The following CFAP47 variants were observed in gnomAD, a reference collection of about 807,000 sequenced individuals.
The protein encoded by CFAP47 is cilia- and flagella-associated protein 47.
In CFAP47, 29 loss-of-function variants were observed where a neutral mutation model predicts 148.1. That is an observed-to-expected ratio of 0.20 (90% CI 0.15 to 0.27). CFAP47 has a LOEUF of 0.27. Ranked by LOEUF, CFAP47 falls within the 10% of genes least tolerant of loss-of-function variation. CFAP47 has a pLI of 1.00. For synonymous variants in CFAP47, 664 were observed against 577.3 expected, an observed-to-expected ratio of 1.15 and a Z score of -2.15; for missense variants, 1,872 against 1,697.5, an observed-to-expected ratio of 1.10 and a Z score of -1.81.
rs951020526 is a variant in CFAP47 at position 36,050,573 on chromosome X, T to A, written c.4217+3510T>A. Reference sequence around the variant, plus strand: ...GATTTAGGGTATCTGGCAGAAGAAATTTCTAAGTGGCAAAGTGTTCAAGAG... The same window carrying A: ...GATTTAGGGTATCTGGCAGAAGAAAATTCTAAGTGGCAAAGTGTTCAAGAG... On this transcript the variant is annotated intron_variant, in intron 26 of 63. Coordinates refer to ENST00000378653, the MANE Select transcript of CFAP47 (RefSeq NM_001304548.2). Among the ~76,000 whole-genome samples the A allele has an allele frequency of 4.5e-5, 5 of 111,528 alleles. No individual in the cohort carries two copies. The Admixed American group carries it at 4.7e-4, about 11-fold the overall frequency.
chrX:36,370,529 G>A (rs782574995), intron 62 of CFAP47, among the ~76,000 whole-genome samples: 54 of 110,099 alleles, frequency 4.9e-4, no homozygotes, highest in African/African-American at 1.7e-3. Context: ...CCAAGTCTTC[G>A]CATGGGTTTA....
intron 30 of CFAP47, among the ~76,000 whole-genome samples, chrX:36,094,769 T>G (rs1414564199): frequency 1.8e-5 from 2 of 111,556 alleles, no homozygotes; most frequent in Admixed American, 9.5e-5. Context: ...TCTAATAGGT[T>G]TTTTTGTGGA....
chrX:36,300,483 G>C (rs1167944993), intron 52 of CFAP47, among the ~76,000 whole-genome samples: 4 of 110,516 alleles, frequency 3.6e-5, no homozygotes, highest in African/African-American at 1.3e-4. Context: ...GGAGACGGGG[G>C]TTCCACCATA....
intron 33 of CFAP47, among the ~76,000 whole-genome samples, chrX:36,136,073 A>G (rs1020816510): frequency 9.0e-6 from 1 of 111,088 alleles, no homozygotes; most frequent in African/African-American, 3.3e-5. Context: ...TAACCAATAC[A>G]TAAAAATATT....
At chrX:35,963,650 A>G (rs1457160842) in intron 8 of CFAP47, among the ~76,000 whole-genome samples, 1 of 110,851 alleles carries the variant, frequency 9.0e-6, no homozygotes, top group African/African-American at 3.3e-5. Flanking sequence ...ATTTTCTATT[A>G]TTTCATTATT....
chrX:36,291,963 C>T lies in CFAP47; in HGVS notation c.7686+6237C>T, dbSNP rs1351000648. On this transcript the variant is annotated intron_variant, in intron 51 of 63. Transcript: ENST00000378653. ...GTTACTTCCTAGGGATCGGTCCTTG[C>T]AATTAGAAATATTTCTATTTTTAAT... is the stretch of plus-strand genomic sequence containing the variant. Among the ~76,000 whole-genome samples, 5 of 111,016 alleles carry T rather than the reference C, an allele frequency of 4.5e-5. 1 individual carries two copies. Among genetic ancestry groups the T allele is most frequent in the Non-Finnish European group, 7.6e-5 (4 of 52,972 alleles).
At chrX:36,149,355 A>G in intron 37 of CFAP47, 132 bp downstream of exon 37, 1 of 264,238 alleles carries the variant, frequency 3.8e-6, no homozygotes, top group Non-Finnish European at 6.7e-6. Flanking sequence ...ACAGTCAGAC[A>G]AATATTCGTA....
intron 22 of CFAP47, among the ~76,000 whole-genome samples, chrX:36,025,826 G>C (rs911495059): frequency 9.0e-6 from 1 of 111,205 alleles, no homozygotes; most frequent in African/African-American, 3.3e-5. Flanking sequence ...TGGTACATTT[G>C]GGTGAGCTGT....
At chrX:36,229,129 T>G (rs1940306577) in intron 46 of CFAP47, among the ~76,000 whole-genome samples, 1 of 111,602 alleles carries the variant, frequency 9.0e-6, no homozygotes, top group Admixed American at 9.6e-5. Flanking sequence ...TACTCTAAAT[T>G]CTGTTGTGAT....
chrX:36,230,352 G>C (rs1164922121), intron 46 of CFAP47, among the ~76,000 whole-genome samples: 1 of 108,480 alleles, frequency 9.2e-6, no homozygotes, highest in Non-Finnish European at 1.9e-5. Flanking sequence ...GCATTTCTCT[G>C]ATGGCCAGTG....
chrX:36,381,046 A>G (rs936990420), intron 63 of CFAP47, among the ~76,000 whole-genome samples: 7 of 112,021 alleles, frequency 6.2e-5, no homozygotes, highest in Non-Finnish European at 9.4e-5. Context: ...CAGTTTATGT[A>G]GGGAAAATTG....
rs143531634 is a variant in CFAP47, at chrX:35,963,571, A to C, written c.1411-2994A>C. On this transcript the variant is annotated intron_variant, in intron 8 of 63. Transcript: ENST00000378653. ...GTGCCAATCCATTTATATGTAATGT[A>C]ACTACTAGTAACATAGGATTTGCAT... Among the ~76,000 whole-genome samples the C allele has an allele frequency of 6.1e-3, 675 of 110,939 alleles. 8 individuals are homozygous for C. The highest frequency in any genetic ancestry group is 0.02 in the African/African-American group (614 of 30,742).
intron 33 of CFAP47, among the ~76,000 whole-genome samples, chrX:36,115,401 G>T (rs1008056735): frequency 8.9e-6 from 1 of 112,001 alleles, no homozygotes; most frequent in Non-Finnish European, 1.9e-5. Flanking sequence ...AACATCTGTA[G>T]AGAGTTTTTA....
intron 22 of CFAP47, among the ~76,000 whole-genome samples, chrX:36,028,783 C>G (rs1937250041): frequency 9.0e-6 from 1 of 110,765 alleles, no homozygotes; most frequent in Non-Finnish European, 1.9e-5. Flanking sequence ...CAGATTTTAT[C>G]AATGAGCAGG....
chrX:36,178,508 G>C (rs747791313), intron 39 of CFAP47, among the ~76,000 whole-genome samples: 1 of 111,106 alleles, frequency 9.0e-6, no homozygotes, highest in South Asian at 3.8e-4. Context: ...AAAAACTTTT[G>C]ATTAATTTAT....
chrX:36,169,634 C>A (rs1464562110), intron 39 of CFAP47, among the ~76,000 whole-genome samples: 1 of 111,397 alleles, frequency 9.0e-6, no homozygotes, highest in Non-Finnish European at 1.9e-5. Context: ...TCATTTCTAT[C>A]TATTTAATTG....
intron 44 of CFAP47, among the ~76,000 whole-genome samples, chrX:36,202,485 A>G (rs781958012): frequency 1.0e-3 from 114 of 110,762 alleles, no homozygotes; most frequent in Non-Finnish European, 1.6e-3. Flanking sequence ...TTTGCTTCAA[A>G]CATGCCAGGT....
intron 57 of CFAP47, among the ~76,000 whole-genome samples, chrX:36,324,695 G>T (rs1284787631): frequency 9.0e-6 from 1 of 111,350 alleles, no homozygotes; most frequent in Non-Finnish European, 1.9e-5. Context: ...GATGAAAATA[G>T]GTTAACTTCA....
chrX:35,973,212 C>T (rs913283127), intron 13 of CFAP47, among the ~76,000 whole-genome samples: 3 of 111,108 alleles, frequency 2.7e-5, no homozygotes, highest in Non-Finnish European at 5.7e-5. Context: ...TTTATTGCGA[C>T]GGAGTCTCGC....
Sources: allele counts gnomAD v4.1 joint callset (sites outside exome capture counted in the v4.1 genomes callset), GRCh38; gene constraint gnomAD v4.1.1; transcripts MANE v1.5; gene names NCBI Gene and HGNC (gene_info 2026-07-23, HGNC 2026-07-21).